Variants in DESI2 observed in about 807,000 individuals in gnomAD.
DESI2 encodes the protein desumoylating isopeptidase 2, also known as deubiquitinase DESI2.
Under a neutral mutation model 24.1 loss-of-function variants are expected in DESI2, and 10 were observed. The observed-to-expected ratio is 0.41, with a 90% CI of 0.26 to 0.70. The LOEUF (loss-of-function observed/expected upper bound fraction) is 0.70. Ranked by LOEUF, DESI2 falls within the 30% of genes least tolerant of loss-of-function variation. The pLI, the probability that DESI2 is intolerant of heterozygous loss-of-function variation, is 0.29. For missense variants in DESI2, 122 were observed against 234.9 expected (o/e 0.52, Z 3.14); for synonymous variants, 71 against 87.7 (o/e 0.81, Z 1.06).
chr1:244,672,428 A>T (rs1676278037), intron 1 of DESI2, among the ~76,000 whole-genome samples: 1 of 152,204 alleles, frequency 6.6e-6, no homozygotes, highest in African/African-American at 2.4e-5. Flanking sequence ...CCAAAAACAG[A>T]TGCTGGAGCC....
chr1:244,678,013 A>G, intron 1 of DESI2, among the ~76,000 whole-genome samples: 1 of 152,224 alleles, frequency 6.6e-6, no homozygotes. Context: ...CTCTAGGTTT[A>G]GAAATCATTT....
intron 1 of DESI2, among the ~76,000 whole-genome samples, chr1:244,670,648 GGTAA>G (rs56276702): frequency 0.98 from 148,512 of 152,220 alleles, 72,545 homozygotes; most frequent in East Asian, 1. Flanking sequence ...GGGACAGAGA[GGTAA>G]GTAACTATCT....
At chr1:244,702,909 T>C (rs1677528206) in intron 4 of DESI2, among the ~76,000 whole-genome samples, 1 of 152,112 alleles carries the variant, frequency 6.6e-6, no homozygotes, top group Non-Finnish European at 1.5e-5. Context: ...TAAATAGTCT[T>C]AGTCATGACT....
chr1:244,697,701 A>T (rs1182231272), intron 4 of DESI2, among the ~76,000 whole-genome samples: 1 of 152,176 alleles, frequency 6.6e-6, no homozygotes, highest in Non-Finnish European at 1.5e-5. Context: ...CATGCTGGTT[A>T]CAGTGAGGAG....
chr1:244,676,814 T>TTA (rs564574019), intron 1 of DESI2, among the ~76,000 whole-genome samples: 260 of 147,442 alleles, frequency 1.8e-3, no homozygotes, highest in African/African-American at 4.4e-3. Context: ...TATATATATT[T>TTA]TATATATATA....
At chr1:244,695,745 G>C (rs932826435) in intron 4 of DESI2, among the ~76,000 whole-genome samples, 1 of 152,154 alleles carries the variant, frequency 6.6e-6, no homozygotes, top group African/African-American at 2.4e-5. Flanking sequence ...CTGTAACTTA[G>C]ATACCACTCC....
Position 244,653,188 on chromosome 1 carries a change from C to A in DESI2, c.-126C>A, listed in dbSNP as rs558073711. 1 of 986,254 alleles carries A rather than the reference C, an allele frequency of 1.0e-6. No individual in the cohort carries two copies. Among genetic ancestry groups the A allele is most frequent in the Non-Finnish European group, 1.4e-6 (1 of 736,478 alleles). The allele number at this position is 986,254 out of a possible 1,614,324, so 61.1% of individuals were successfully genotyped here. A position where few individuals can be genotyped will look rare whatever the true frequency, so the allele number is the denominator to read the frequency against. Reference sequence around the variant, plus strand: ...TGCCCGATGCTTCCGCCCCGGCTGCCGCGGGCCGGGCTGTACGCTTAGTGC... The same window carrying A: ...TGCCCGATGCTTCCGCCCCGGCTGCAGCGGGCCGGGCTGTACGCTTAGTGC... On this transcript the variant is annotated 5_prime_UTR_variant, in exon 1 of 5. Coordinates refer to ENST00000302550, the MANE Select transcript of DESI2 (RefSeq NM_016076.5).
At chr1:244,702,636 CATTGTA>C (rs1677514282) in intron 4 of DESI2, among the ~76,000 whole-genome samples, 1 of 152,186 alleles carries the variant, frequency 6.6e-6, no homozygotes, top group Admixed American at 6.5e-5. Flanking sequence ...CTGCCTCTGC[CATTGTA>C]GCCTAAGAGG....
At chr1:244,683,555 C>G (rs1040161073) in intron 1 of DESI2, among the ~76,000 whole-genome samples, 3 of 152,168 alleles carry the variant, frequency 2.0e-5, no homozygotes, top group Non-Finnish European at 4.4e-5. Flanking sequence ...TTGTGATCCG[C>G]CCACCTCAGC....
At chr1:244,679,474 T>G (rs1269536017) in intron 1 of DESI2, among the ~76,000 whole-genome samples, 1 of 152,136 alleles carries the variant, frequency 6.6e-6, no homozygotes, top group African/African-American at 2.4e-5. Flanking sequence ...TACATTTACT[T>G]TCTCTCACAC....
intron 1 of DESI2, among the ~76,000 whole-genome samples, chr1:244,686,105 A>G (rs2148804370): frequency 6.6e-6 from 1 of 152,372 alleles, no homozygotes; most frequent in South Asian, 2.1e-4. Context: ...TATTACCATT[A>G]TCAAACTTTG....
intron 1 of DESI2, among the ~76,000 whole-genome samples, 156 bp from the exon 2 acceptor site, chr1:244,686,441 T>A (rs1162611692): frequency 6.6e-6 from 1 of 152,138 alleles, no homozygotes; most frequent in Non-Finnish European, 1.5e-5. Context: ...ATTCCAGATG[T>A]GGTACAGGCA....
At chr1:244,668,781 T>C (rs1676136877) in intron 1 of DESI2, among the ~76,000 whole-genome samples, 1 of 152,196 alleles carries the variant, frequency 6.6e-6, no homozygotes, top group Non-Finnish European at 1.5e-5. Flanking sequence ...ATGACAGTAA[T>C]ATAGCACAAT....
chr1:244,686,266 A>G (rs3753440), intron 1 of DESI2, among the ~76,000 whole-genome samples: 33,850 of 145,370 alleles, frequency 0.23, 3,784 homozygotes, highest in South Asian at 0.33. Context: ...GTGTGTGTGT[A>G]TGTGTGTGTG....
At chr1:244,678,083 A>G (rs1022107960) in intron 1 of DESI2, among the ~76,000 whole-genome samples, 3 of 152,280 alleles carry the variant, frequency 2.0e-5, no homozygotes, top group South Asian at 2.1e-4. Flanking sequence ...TGATAGTTCA[A>G]CTTTCTATCT....
At chr1:244,700,851 AAT>A (rs140382031) in intron 4 of DESI2, among the ~76,000 whole-genome samples, 2 of 152,370 alleles carry the variant, frequency 1.3e-5, no homozygotes, top group African/African-American at 2.4e-5. Context: ...AAGCACCACC[AAT>A]ATGAGTATAG....
intron 1 of DESI2, among the ~76,000 whole-genome samples, chr1:244,684,338 T>G (rs6676822): frequency 0.011 from 1,701 of 152,312 alleles, 33 homozygotes; most frequent in African/African-American, 0.038. Context: ...AGTATTGCAT[T>G]TTAGTCCTCC....
chr1:244,692,425 T>A (rs1677061188), intron 4 of DESI2, among the ~76,000 whole-genome samples: 1 of 152,156 alleles, frequency 6.6e-6, no homozygotes, highest in South Asian at 2.1e-4. Flanking sequence ...GAAATTTTCT[T>A]CTGCTAACAT....
intron 1 of DESI2, among the ~76,000 whole-genome samples, chr1:244,673,655 A>AT (rs1218900372): frequency 1.3e-5 from 2 of 151,930 alleles, no homozygotes; most frequent in Non-Finnish European, 2.9e-5. Context: ...GGTAGCTAGT[A>AT]TTTTTTTTCA....
Sources: gnomAD v4.1 joint callset for allele counts (sites outside exome capture counted in the v4.1 genomes callset) on GRCh38, gnomAD v4.1.1 for gene constraint, MANE v1.5 for transcripts, NCBI Gene and HGNC (gene_info 2026-07-23, HGNC 2026-07-21) for gene names.